Variants in HIVEP2 observed in about 807,000 individuals in gnomAD.
HIVEP2 encodes the protein transcription factor HIVEP2.
In HIVEP2, 14 loss-of-function variants were observed where a neutral mutation model predicts 180.7. The observed-to-expected ratio is 0.08, with a 90% confidence interval of 0.05 to 0.12. The LOEUF (loss-of-function observed/expected upper bound fraction) is 0.12. Ranked by LOEUF, HIVEP2 falls within the 10% of genes least tolerant of loss-of-function variation. The pLI, the probability that HIVEP2 is intolerant of heterozygous loss-of-function variation, is 1.00. For missense variants in HIVEP2, 2,579 were observed against 3,008.5 expected (o/e 0.86, Z 3.34); for synonymous variants, 1,184 against 1,136.4 (o/e 1.04, Z -0.84).
intron 1 of HIVEP2, 102 bp from the exon 2 acceptor site, chr6:142,837,149 A>G (rs1775245689): frequency 6.6e-6 from 1 of 152,178 alleles, no homozygotes; most frequent in African/African-American, 2.4e-5. Flanking sequence ...ATGATATTAT[A>G]CTATCTTTTC....
At chr6:142,929,515 T>G (rs993886376) in intron 1 of HIVEP2, among the ~76,000 whole-genome samples, 6 of 152,150 alleles carry the variant, frequency 3.9e-5, no homozygotes, top group African/African-American at 1.2e-4. Context: ...ATGCACCTCT[T>G]TTACACCATG....
chr6:142,843,464 A>C (rs1181352365), intron 1 of HIVEP2, among the ~76,000 whole-genome samples: 1 of 152,162 alleles, frequency 6.6e-6, no homozygotes, highest in East Asian at 1.9e-4. Flanking sequence ...AGTGGTCGCA[A>C]ATGGCTTCAT....
At position 142,771,690 on chromosome 6, in the gene HIVEP2, A is replaced by G. The variant is rs1012160016; in HGVS notation, c.3049T>C (p.Ser1017Pro). 4 of 1,614,102 alleles carry G rather than the reference A, an allele frequency of 2.5e-6. No homozygotes were observed. The highest frequency in any genetic ancestry group is 1.3e-5 in the African/African-American group (1 of 74,934). ...TTCTGGTGGTGATGGCCTGGGACAG[A>G]CAATGAGTATGAACCAGCAGGGACA... ...LTVPAGSYSLSVPGHHHQKEM... is the reference protein window; with the variant it reads ...LTVPAGSYSLPVPGHHHQKEM... Residue 1017 changes from serine to proline, a missense_variant, in exon 5 of 10, where the codon TCT becomes CCT. Ser to Pro is a moderately conservative substitution (Grantham distance 74, BLOSUM62 -1). Coordinates refer to ENST00000367603, the MANE Select transcript of HIVEP2 (RefSeq NM_006734.4). This position sits in a 1 kb window ranked among gnomAD's most constrained non-coding sequence, Gnocchi z 5.4.
At chr6:142,878,895 G>A (rs1023178378) in intron 1 of HIVEP2, among the ~76,000 whole-genome samples, 3 of 152,158 alleles carry the variant, frequency 2.0e-5, no homozygotes, top group African/African-American at 7.2e-5. Context: ...ATGGGGCAAA[G>A]GACCTTGGAC....
Position 142,774,619 on chromosome 6 carries a change from G to A in HIVEP2, c.120C>T (p.Gly40=), listed in dbSNP as rs750483736. The A allele has an allele frequency of 3.1e-6, 5 of 1,614,066 alleles. No homozygotes were observed. In the African/African-American group the frequency reaches 5.3e-5, roughly 17 times the overall value. The change falls in exon 5 of 10, where the codon GGC becomes GGT. Residue 40 remains glycine (G), a synonymous_variant. Coordinates refer to ENST00000367603, the MANE Select transcript of HIVEP2 (RefSeq NM_006734.4). The surrounding 1 kb of genome is among the most constrained non-coding windows in gnomAD (Gnocchi z 5.1). ...GTGGTTGCCGCTGTCCTTCATGACT[G>A]CCAAAAGTGCTCATCTTAATAACAG... ...QSAVIKMSTF[G]SHEGQRQPQI...
intron 1 of HIVEP2, among the ~76,000 whole-genome samples, chr6:142,895,109 G>C (rs896181196): frequency 2.6e-5 from 4 of 152,136 alleles, no homozygotes; most frequent in Non-Finnish European, 5.9e-5. Context: ...ATAAAACTTA[G>C]AGCTACATTT....
intron 1 of HIVEP2, among the ~76,000 whole-genome samples, chr6:142,942,655 A>G (rs1313989799): frequency 6.6e-6 from 1 of 152,192 alleles, no homozygotes; most frequent in African/African-American, 2.4e-5. Flanking sequence ...CTTTAGTGGT[A>G]TTTTACCAAA....
intron 1 of HIVEP2, among the ~76,000 whole-genome samples, chr6:142,909,077 G>T (rs1431646389): frequency 1.3e-5 from 2 of 152,046 alleles, no homozygotes; most frequent in Non-Finnish European, 2.9e-5. Context: ...GTATCTAAAC[G>T]TTATTGTCTC....
intron 1 of HIVEP2, among the ~76,000 whole-genome samples, chr6:142,851,819 G>A (rs1775679981): frequency 6.6e-6 from 1 of 152,146 alleles, no homozygotes; most frequent in Admixed American, 6.5e-5. Flanking sequence ...TTAATGTATT[G>A]AACCATTCCT....
At chr6:142,756,148 T>C (rs1240989180) in intron 9 of HIVEP2, among the ~76,000 whole-genome samples, 1 of 152,224 alleles carries the variant, frequency 6.6e-6, no homozygotes, top group African/African-American at 2.4e-5. Flanking sequence ...CAGATATCTA[T>C]ATACACATCT....
intron 1 of HIVEP2, among the ~76,000 whole-genome samples, chr6:142,859,053 G>T (rs1775902287): frequency 6.6e-6 from 1 of 152,184 alleles, no homozygotes; most frequent in Admixed American, 6.5e-5. Flanking sequence ...CATTTGATGG[G>T]TGTTGTTAAA....
intron 1 of HIVEP2, among the ~76,000 whole-genome samples, chr6:142,868,729 C>G (rs1470041844): frequency 3.3e-5 from 5 of 152,082 alleles, no homozygotes; most frequent in Admixed American, 3.3e-4. Flanking sequence ...GGGGATATAT[C>G]TATTTTGAAA....
chr6:142,803,954 T>C (rs1297206578), intron 2 of HIVEP2, among the ~76,000 whole-genome samples: 3 of 152,188 alleles, frequency 2.0e-5, no homozygotes, highest in Non-Finnish European at 4.4e-5. Flanking sequence ...TTTCAACTTC[T>C]AAGCTGAAAG....
intron 2 of HIVEP2, among the ~76,000 whole-genome samples, chr6:142,796,047 T>A (rs1582867455): frequency 7.5e-6 from 1 of 133,110 alleles, no homozygotes; most frequent in East Asian, 2.1e-4. Context: ...AAGTGACCTG[T>A]CAATTTTAAA....
intron 1 of HIVEP2, among the ~76,000 whole-genome samples, chr6:142,896,170 C>T (rs1356617892): frequency 6.6e-6 from 1 of 152,146 alleles, no homozygotes; most frequent in Non-Finnish European, 1.5e-5. Flanking sequence ...CTAAGAGAGG[C>T]TAATATAGTC....
At chr6:142,939,526 G>T (rs1233173037) in intron 1 of HIVEP2, among the ~76,000 whole-genome samples, 1 of 152,086 alleles carries the variant, frequency 6.6e-6, no homozygotes, top group African/African-American at 2.4e-5. Flanking sequence ...TCCCATCCCA[G>T]GTCAGAGTAT....
upstream of HIVEP2, among the ~76,000 whole-genome samples, chr6:142,945,719 C>T (rs1778311090): frequency 6.6e-6 from 1 of 152,176 alleles, no homozygotes; most frequent in Non-Finnish European, 1.5e-5. The surrounding 1 kb of genome is among the most constrained non-coding windows in gnomAD (Gnocchi z 5.5). Context: ...GTGCGGAGAC[C>T]CTCCTGCGGG....
At chr6:142,938,961 GGCCCA>G (rs1778114316) in intron 1 of HIVEP2, among the ~76,000 whole-genome samples, 1 of 151,998 alleles carries the variant, frequency 6.6e-6, no homozygotes, top group Non-Finnish European at 1.5e-5. Context: ...ATGAATCAGT[GGCCCA>G]TTCCTTATAC....
intron 1 of HIVEP2, among the ~76,000 whole-genome samples, chr6:142,886,464 C>T (rs9321878): frequency 0.43 from 64,639 of 151,992 alleles, 14,408 homozygotes; most frequent in East Asian, 0.61. Flanking sequence ...GCTGGATTTT[C>T]GCACATTTTT....
Sources: allele counts gnomAD v4.1 joint callset (sites outside exome capture counted in the v4.1 genomes callset), GRCh38; gene constraint gnomAD v4.1.1; non-coding constraint Gnocchi (gnomAD v3.1); transcripts MANE v1.5; gene names NCBI Gene and HGNC (gene_info 2026-07-23, HGNC 2026-07-21).